SOX5: variants seen among roughly 807,000 people sequenced by gnomAD.
SOX5 encodes SRY-box transcription factor 5.
In SOX5, 9 loss-of-function variants were observed where a neutral mutation model predicts 92.0. The observed-to-expected ratio is 0.10, with a 90% CI of 0.06 to 0.17. The LOEUF is 0.17. Among genes scored for constraint, SOX5 ranks in the 10% least tolerant of loss-of-function variants. The pLI is 1.00. For missense variants in SOX5, 642 were observed against 944.5 expected, an observed-to-expected ratio of 0.68 and a Z score of 4.20; for synonymous variants, 344 against 336.3, an observed-to-expected ratio of 1.02 and a Z score of -0.25.
At chr12:24,001,159 T>C (rs1951572283) in intron 4 of SOX5, among the ~76,000 whole-genome samples, 1 of 152,096 alleles carries the variant, frequency 6.6e-6, no homozygotes, top group Non-Finnish European at 1.5e-5. Flanking sequence ...AATACAATCA[T>C]GGCTCACTAC....
chr12:23,894,496 G>A lies in SOX5; in HGVS notation c.270+1297C>T, dbSNP rs140564944. On this transcript the variant is annotated intron_variant, in intron 2 of 14. Transcript: ENST00000451604. ...CTCACCTTGGCCTCCCAAAGTGCTG[G>A]GATTACAGGTGTGAGCCACCACGCC... Among the ~76,000 whole-genome samples the A allele has an allele frequency of 7.2e-5, 11 of 152,108 alleles. No individual in the cohort carries two copies. The East Asian group carries it at 2.1e-3, about 29-fold the overall frequency.
intron 1 of SOX5, among the ~76,000 whole-genome samples, chr12:24,462,300 TA>T (rs376822241): frequency 2.9e-4 from 44 of 152,286 alleles, no homozygotes; most frequent in Middle Eastern, 6.8e-3. Flanking sequence ...AAAGGTACAG[TA>T]AAAATATAGT....
intron 2 of SOX5, among the ~76,000 whole-genome samples, chr12:23,863,532 C>G (rs560498523): frequency 2.0e-5 from 3 of 152,010 alleles, no homozygotes; most frequent in Non-Finnish European, 2.9e-5. Context: ...GGCTTCTCAT[C>G]GGAATAAAAT....
chr12:24,287,357 T>TA lies in SOX5; in HGVS notation c.-173-10046dup, dbSNP rs377095265. 1.1e-3 allele frequency among the ~76,000 whole-genome samples: 168 copies of TA among 152,276 alleles called. 1 individual carries two copies. The highest frequency in any genetic ancestry group is 6.8e-3 in the Middle Eastern group (2 of 294). On this transcript the variant is annotated intron_variant, in intron 2 of 4. Transcript: ENST00000446891. ...TACAGTATTAACTTTTTCTCGTCTTTAAAATCTCTACTCAATTTACAGATA... is the reference window on the plus strand; with the variant it reads ...TACAGTATTAACTTTTTCTCGTCTTTAAAAATCTCTACTCAATTTACAGATA...
intron 7 of SOX5, 74 bp downstream of exon 7, chr12:23,665,370 G>A (rs1161495354): frequency 2.7e-6 from 4 of 1,490,736 alleles, no homozygotes; most frequent in African/African-American, 1.4e-5. Flanking sequence ...TCTTGGTGTG[G>A]CAGGAATATT....
At chr12:23,976,398 CAAAAAAACAA>C (rs1348307889) in intron 4 of SOX5, among the ~76,000 whole-genome samples, 6 of 106,776 alleles carry the variant, frequency 5.6e-5, no homozygotes, top group African/African-American at 1.5e-4. Context: ...ATTAAAAAAA[CAAAAAAACAA>C]AAAAAAAAAA....
At chr12:23,893,516 TTATG>T (rs2097149122) in intron 2 of SOX5, among the ~76,000 whole-genome samples, 1 of 152,150 alleles carries the variant, frequency 6.6e-6, no homozygotes, top group Non-Finnish European at 1.5e-5. Flanking sequence ...TGAAACTACA[TTATG>T]TATGTATCAG....
At chr12:23,776,047 G>A (rs1025114021) in intron 3 of SOX5, among the ~76,000 whole-genome samples, 1 of 152,112 alleles carries the variant, frequency 6.6e-6, no homozygotes, top group Non-Finnish European at 1.5e-5. Context: ...GAATTAAACT[G>A]CTTATAATTC....
intron 4 of SOX5, among the ~76,000 whole-genome samples, chr12:24,038,542 T>C (rs945627106): frequency 6.6e-6 from 1 of 152,176 alleles, no homozygotes; most frequent in South Asian, 2.1e-4. Flanking sequence ...TTGAGGTCTA[T>C]TGACACAATG....
chr12:23,846,153 T>C lies in SOX5; in HGVS notation c.311A>G (p.His104Arg). The change falls in exon 3 of 15, where the codon CAC becomes CGC. Residue 104 changes from histidine (H) to arginine (R), a missense_variant. This residue lies in a region of SOX5 where 29 missense variants were observed against 47.4 expected (regional missense o/e 0.61). Coordinates refer to ENST00000451604, the MANE Select transcript of SOX5 (RefSeq NM_006940.6). ...GNKVMSSFAP[H>R]NSSTSPQKAE... ...CTTCTGAGGTGAGGTAGATGAGTTG[T>C]GTGGGGCAAATGAAGACATAACTTT... 6.2e-7 allele frequency: 1 copy of C among 1,614,062 alleles called. No individual in the cohort carries two copies. The highest frequency in any genetic ancestry group is 8.5e-7 in the Non-Finnish European group (1 of 1,179,986).
chr12:23,557,743 A>C (rs1175620849), intron 11 of SOX5, among the ~76,000 whole-genome samples: 1 of 152,202 alleles, frequency 6.6e-6, no homozygotes, highest in African/African-American at 2.4e-5. Flanking sequence ...TGGGAGGCCA[A>C]GGCGGGCGGA....
chr12:24,006,904 C>T (rs1029340411), intron 4 of SOX5, among the ~76,000 whole-genome samples: 2 of 151,738 alleles, frequency 1.3e-5, no homozygotes, highest in African/African-American at 4.8e-5. Flanking sequence ...GAGGCCAAGG[C>T]GGGAGGATCA....
rs189616025 is a variant in SOX5, at chr12:23,697,202, T to G, written c.811-31638A>C. On this transcript the variant is annotated intron_variant, in intron 6 of 14. Transcript: ENST00000451604. ...TCCAACTGTAATTGTAGACTTCTCA[T>G]GTTAATTTTATTAATTTTTATTTTC... Among the ~76,000 whole-genome samples the G allele has an allele frequency of 4.6e-3, 694 of 152,302 alleles. 7 individuals carry two copies. The highest frequency in any genetic ancestry group is 0.016 in the African/African-American group (649 of 41,572).
chr12:24,553,956 G>A (rs866436129), intron 1 of SOX5, among the ~76,000 whole-genome samples: 2 of 152,228 alleles, frequency 1.3e-5, no homozygotes, highest in Non-Finnish European at 2.9e-5. Context: ...GAGAAGGTAC[G>A]TGGAGATGAG....
intron 2 of SOX5, among the ~76,000 whole-genome samples, chr12:24,362,480 T>C (rs1595927693): frequency 6.6e-6 from 1 of 152,180 alleles, no homozygotes; most frequent in South Asian, 2.1e-4. Context: ...ATCAATTGTG[T>C]AGACATTAAT....
rs548312148 is a variant in SOX5 at position 23,675,458 on chromosome 12, T to A, written c.811-9894A>T. Among the ~76,000 whole-genome samples the A allele has an allele frequency of 5.8e-4, 88 of 152,168 alleles. 1 individual carries two copies. The South Asian group carries it at 8.1e-3, about 14-fold the overall frequency. On this transcript the variant is annotated intron_variant, in intron 6 of 14. Coordinates refer to ENST00000451604, the MANE Select transcript of SOX5 (RefSeq NM_006940.6). ...AGATCACACAATGTGGAAAGGATAGTCTCTTCAATAAATGGTGCTGGGAAA... is the reference window on the plus strand; with the variant it reads ...AGATCACACAATGTGGAAAGGATAGACTCTTCAATAAATGGTGCTGGGAAA...
At chr12:24,532,978 CT>C (rs1193711114) in intron 1 of SOX5, among the ~76,000 whole-genome samples, 1 of 152,166 alleles carries the variant, frequency 6.6e-6, no homozygotes, top group African/African-American at 2.4e-5. Flanking sequence ...TCAATAAATC[CT>C]TTTACTGTAC....
upstream of SOX5, among the ~76,000 whole-genome samples, chr12:23,951,296 T>A (rs1472441238): frequency 1.3e-5 from 2 of 151,548 alleles, no homozygotes; most frequent in Non-Finnish European, 2.9e-5. Context: ...AAAGCCAGAC[T>A]CCCTGTTCTT....
chr12:24,066,713 A>T (rs1455535085), intron 4 of SOX5, among the ~76,000 whole-genome samples: 3 of 152,256 alleles, frequency 2.0e-5, no homozygotes, highest in Non-Finnish European at 2.9e-5. Context: ...GCAGTGGTTA[A>T]AAGTTCACAA....
Sources: gnomAD v4.1 joint callset for allele counts (sites outside exome capture counted in the v4.1 genomes callset) on GRCh38, gnomAD v4.1.1 for gene constraint, gnomAD v4.1.1 regional missense constraint, MANE v1.5 for transcripts, NCBI Gene and HGNC (gene_info 2026-07-23, HGNC 2026-07-21) for gene names.